The following PFN2 variants were observed in gnomAD, a reference collection of about 807,000 sequenced individuals.
PFN2 encodes the protein profilin 2.
Under a neutral mutation model 15.3 loss-of-function variants are expected in PFN2, and 8 were observed. The observed-to-expected ratio is 0.52, with a 90% confidence interval of 0.31 to 0.95. The LOEUF (loss-of-function observed/expected upper bound fraction) is 0.95, where lower values mean the gene tolerates loss of function less well. Among genes scored for constraint, PFN2 ranks in the 40% least tolerant of loss-of-function variants. The pLI is 0.05. For synonymous variants in PFN2, 79 were observed against 67.9 expected, an observed-to-expected ratio of 1.16 and a Z score of -0.81; for missense variants, 111 against 182.3, an observed-to-expected ratio of 0.61 and a Z score of 2.25.
chr3:149,970,357 AG>A (rs1722825207), intron 1 of PFN2: 1 of 159,150 alleles, frequency 6.3e-6, no homozygotes, highest in South Asian at 2.0e-4. Flanking sequence ...AGCAAACCTC[AG>A]GGCTTCAAGA....
chr3:149,965,477 G>A lies in PFN2; in HGVS notation c.*1012C>T, dbSNP rs903871827. On this transcript the variant is annotated 3_prime_UTR_variant, in exon 3 of 3. Coordinates refer to ENST00000239940, the MANE Select transcript of PFN2 (RefSeq NM_053024.4). ...TGGGGATTCAATCAGTATGGTTACT[G>A]TAAGGTCATGGGAGGAAGTGCTTTT... 6.3e-6 allele frequency: 9 copies of A among 1,426,342 alleles called. No homozygotes were observed. In the African/African-American group the frequency reaches 1.2e-4, roughly 18 times the overall value. The allele number at this position is 1,426,342 out of a possible 1,614,324, so 88.4% of individuals were successfully genotyped here.
intron 1 of PFN2, among the ~76,000 whole-genome samples, chr3:149,969,568 G>C (rs1318108828): frequency 6.6e-6 from 1 of 152,216 alleles, no homozygotes; most frequent in Non-Finnish European, 1.5e-5. Context: ...CAAGGACTGA[G>C]TTCTAAAGTT....
Position 149,966,516 on chromosome 3 carries a change from T to C in PFN2, c.396A>G (p.Ala132=), listed in dbSNP as rs781053207. Residue 132 remains alanine (A), a synonymous_variant, in exon 3 of 3, where the codon GCA becomes GCG. Coordinates refer to ENST00000239940, the MANE Select transcript of PFN2 (RefSeq NM_053024.4). ...GGLNKKAYSM[A]KYLRDSGF ...AGAACCCAGAGTCTCTCAAGTATTT[T>C]GCCATTGAGTATGCCTTCTTATTCA... 2.5e-6 allele frequency: 4 copies of C among 1,613,284 alleles called. No individual in the cohort carries two copies. The highest frequency in any genetic ancestry group is 3.4e-6 in the Non-Finnish European group (4 of 1,179,260).
In PFN2 at chr3:149,965,988, C is replaced by T. The variant is rs1047779460; in HGVS notation, c.*501G>A. ...TCATTATTGTGCTGCAATTATGTTG[C>T]CAGATAAGGGTTGGTTACATACAGT... On this transcript the variant is annotated 3_prime_UTR_variant, in exon 3 of 3. Transcript: ENST00000239940. 9 of 1,383,518 alleles carry T rather than the reference C, an allele frequency of 6.5e-6. No individual in the cohort carries two copies. Among genetic ancestry groups the T allele is most frequent in the Non-Finnish European group, 8.4e-6 (9 of 1,072,116 alleles). 85.7% of individuals were successfully genotyped at this position (1,383,518 alleles called of 1,614,324 possible).
intron 1 of PFN2, chr3:149,968,795 C>G: frequency 2.2e-6 from 1 of 450,960 alleles, no homozygotes; most frequent in Non-Finnish European, 3.9e-6. Flanking sequence ...TAACCAAGAC[C>G]AGTCTATACA....
At position 149,966,068 on chromosome 3, in the gene PFN2, G is replaced by C. The variant is rs1283909933; in HGVS notation, c.*421C>G. On this transcript the variant is annotated 3_prime_UTR_variant, in exon 3 of 3. Coordinates refer to ENST00000239940, the MANE Select transcript of PFN2 (RefSeq NM_053024.4). ...ACAGGAATCATGACATTAGAAAATAGGTAAAGAAAAATTAGCTACCATCTA... is the reference window on the plus strand; with the variant it reads ...ACAGGAATCATGACATTAGAAAATACGTAAAGAAAAATTAGCTACCATCTA... 3.5e-5 allele frequency: 53 copies of C among 1,526,526 alleles called. No homozygotes were observed. The East Asian group carries it at 1.2e-3, about 34-fold the overall frequency. 94.6% of individuals were successfully genotyped at this position (1,526,526 alleles called of 1,614,324 possible).
chr3:149,966,838 T>C (rs902378261), intron 2 of PFN2, among the ~76,000 whole-genome samples: 5 of 151,376 alleles, frequency 3.3e-5, no homozygotes, highest in Admixed American at 6.6e-5. Flanking sequence ...ATCTTTACAC[T>C]AGCTACAGAA....
In PFN2 at chr3:149,965,213, T is replaced by C. The variant is rs1216093545; in HGVS notation, c.*1276A>G. 9.8e-6 allele frequency: 15 copies of C among 1,528,870 alleles called. No homozygotes were observed. The African/African-American group carries it at 1.1e-4, about 11-fold the overall frequency. 94.7% of individuals were successfully genotyped at this position (1,528,870 alleles called of 1,614,324 possible). ...ATTTTAACAATAGTATGGCACAGAA[T>C]ACATATGAAAAAAATTCATCACAAG... On this transcript the variant is annotated 3_prime_UTR_variant, in exon 3 of 3. Transcript: ENST00000239940.
Position 149,965,084 on chromosome 3 carries a change from G to T in PFN2, c.*1405C>A. On this transcript the variant is annotated 3_prime_UTR_variant, in exon 3 of 3. Transcript: ENST00000239940. The stretch of plus-strand genomic sequence containing the variant: ...TTTTAAATCTGTACATTATCCACAA[G>T]GCCCAAACAATAGAAGCAAATACTA... The T allele has an allele frequency of 1.6e-6, 1 of 642,728 alleles. No homozygotes were observed. Among genetic ancestry groups the T allele is most frequent in the Non-Finnish European group, 2.6e-6 (1 of 392,012 alleles). The allele number at this position is 642,728 out of a possible 1,614,324, so 39.8% of individuals were successfully genotyped here.
At chr3:149,968,634 G>C (rs1490928327) in intron 1 of PFN2, 84 bp from the exon 2 acceptor site, 1 of 1,171,690 alleles carries the variant, frequency 8.5e-7, no homozygotes, top group East Asian at 2.4e-5. Flanking sequence ...GTAACAGGAA[G>C]GGCTGTAGCT....
Position 149,970,744 on chromosome 3 carries a change from C to A in PFN2, c.113G>T (p.Gly38Val). The A allele has an allele frequency of 1.3e-6, 2 of 1,520,346 alleles. No individual in the cohort carries two copies. The allele number at this position is 1,520,346 out of a possible 1,614,324, so 94.2% of individuals were successfully genotyped here. Residue 38 changes from glycine to valine, a missense_variant, in exon 1 of 3, where the codon GGC (glycine) becomes GTC (valine). Transcript: ENST00000239940. ...CCTCACCGTAATGCTCTGAAAGACG[C>A]CCCCGGCCGTGGCTGCCCAGACGTA... The part of the protein sequence containing the change: ...AKYVWAATAG[G>V]VFQSITPIEI...
rs377488158 is a variant in PFN2 at position 149,967,895 on chromosome 3, G to C, written c.325+463C>G. ...ATCTAATTATCTTTTCCCCAGCAAA[G>C]TTCCTAACTGAAAAATGAACGGATG... On this transcript the variant is annotated intron_variant, in intron 2 of 2. Coordinates refer to ENST00000239940, the MANE Select transcript of PFN2 (RefSeq NM_053024.4). 1.4e-3 allele frequency among the ~76,000 whole-genome samples: 212 copies of C among 152,218 alleles called. 6 individuals are homozygous for C. The South Asian group carries it at 0.042, about 30-fold the overall frequency.
chr3:149,969,192 A>C (rs1260792104), intron 1 of PFN2, among the ~76,000 whole-genome samples: 1 of 152,274 alleles, frequency 6.6e-6, no homozygotes, highest in South Asian at 2.1e-4. Context: ...CCATCTCAGT[A>C]ATCAGTTTTC....
chr3:149,967,773 A>G (rs1471153294), intron 2 of PFN2, among the ~76,000 whole-genome samples: 1 of 152,236 alleles, frequency 6.6e-6, no homozygotes, highest in African/African-American at 2.4e-5. Flanking sequence ...TGGACCAAGT[A>G]TACAAACTAA....
chr3:149,969,563 A>G (rs1436920790), intron 1 of PFN2, among the ~76,000 whole-genome samples: 1 of 152,228 alleles, frequency 6.6e-6, no homozygotes, highest in Non-Finnish European at 1.5e-5. Flanking sequence ...ACTATCAAGG[A>G]CTGAGTTCTA....
Position 149,965,247 on chromosome 3 carries a change from G to A in PFN2, c.*1242C>T, listed in dbSNP as rs1411339128. On this transcript the variant is annotated 3_prime_UTR_variant, in exon 3 of 3. Transcript: ENST00000239940. Reference sequence around the variant, plus strand: ...AAAAAATTCATCACAAGACAGCCAAGTCCACAATAATGCAACTTCATATAA... The same window carrying A: ...AAAAAATTCATCACAAGACAGCCAAATCCACAATAATGCAACTTCATATAA... The A allele has an allele frequency of 5.2e-6, 8 of 1,534,830 alleles. No individual in the cohort carries two copies. The highest frequency in any genetic ancestry group is 1.7e-4 in the Middle Eastern group (1 of 5,984).
At chr3:149,967,133 GCTTA>G (rs1229236271) in intron 2 of PFN2, among the ~76,000 whole-genome samples, 7 of 152,276 alleles carry the variant, frequency 4.6e-5, no homozygotes, top group African/African-American at 1.7e-4. Context: ...TAAGGTGTTT[GCTTA>G]CTGATAACTT....
chr3:149,970,646 C>G, intron 1 of PFN2, 79 bp downstream of exon 1: 2 of 1,382,870 alleles, frequency 1.4e-6, no homozygotes, highest in Non-Finnish European at 1.9e-6. Context: ...AGTGTTCCAG[C>G]CCCGCGCTGC....
At chr3:149,966,708 G>A (rs754577635) in intron 2 of PFN2, 122 bp from the exon 3 acceptor site, 43 of 734,684 alleles carry the variant, frequency 5.9e-5, no homozygotes, top group Non-Finnish European at 9.8e-5. Context: ...GAACTGCCAA[G>A]CACTGAAGTC....
Sources: allele counts gnomAD v4.1 joint callset (sites outside exome capture counted in the v4.1 genomes callset), GRCh38; gene constraint gnomAD v4.1.1; transcripts MANE v1.5; gene names NCBI Gene and HGNC (gene_info 2026-07-23, HGNC 2026-07-21).